Variants in BBS9 observed in about 807,000 individuals in gnomAD.
BBS9 encodes Bardet-Biedl syndrome 9.
A neutral mutation model predicts 117.7 loss-of-function variants in BBS9; 89 were observed. The ratio of observed to expected loss-of-function variants is 0.76; its 90% CI spans 0.64 to 0.90. The LOEUF is 0.90. Ranked by LOEUF, BBS9 falls within the 40% of genes least tolerant of loss-of-function variation. The pLI is 0.00. For synonymous variants in BBS9, 379 were observed against 370.9 expected (o/e 1.02, Z -0.25); for missense variants, 982 against 1,042.2 (o/e 0.94, Z 0.80).
intron 5 of BBS9, among the ~76,000 whole-genome samples, chr7:33,217,055 A>G (rs1456699429): frequency 6.6e-6 from 1 of 152,196 alleles, no homozygotes; most frequent in Non-Finnish European, 1.5e-5. Context: ...AGATTGCACC[A>G]TTGCACTCCA....
intron 1 of BBS9, among the ~76,000 whole-genome samples, chr7:33,143,344 G>C (rs191669221): frequency 6.6e-6 from 1 of 151,948 alleles, no homozygotes; most frequent in African/African-American, 2.4e-5. Flanking sequence ...CACCAACAGC[G>C]TACAGAGATT....
chr7:33,506,292 G>A (rs1306335552), intron 20 of BBS9, among the ~76,000 whole-genome samples: 1 of 152,116 alleles, frequency 6.6e-6, no homozygotes, highest in Non-Finnish European at 1.5e-5. Flanking sequence ...GGGACTTTTT[G>A]TGTGCTTTTA....
intron 19 of BBS9, among the ~76,000 whole-genome samples, chr7:33,403,469 C>A (rs184733002): frequency 2.8e-5 from 3 of 108,360 alleles, no homozygotes; most frequent in Non-Finnish European, 5.3e-5. Context: ...TCCCCCCTCC[C>A]CCCACCCCAC....
In BBS9 at chr7:33,574,698, C is replaced by CACACAT. The variant is rs1423955762; in HGVS notation, c.2522-30162_2522-30161insTACACA. 4.1e-3 allele frequency among the ~76,000 whole-genome samples: 571 copies of CACACAT among 138,798 alleles called. 7 individuals carry two copies. The highest frequency in any genetic ancestry group is 0.017 in the African/African-American group (551 of 33,382). 91.1% of individuals were successfully genotyped at this position (138,798 alleles called of 152,430 possible). A position where few individuals can be genotyped will look rare whatever the true frequency, so the allele number is the denominator to read the frequency against. ...AAGTCATAGAAAACACACACACACA[C>CACACAT]ACACACACACACACACACACACACA... On this transcript the variant is annotated intron_variant, in intron 21 of 22. Coordinates refer to ENST00000242067, the MANE Select transcript of BBS9 (RefSeq NM_198428.3).
At chr7:33,395,237 T>G (rs1398609303) in intron 19 of BBS9, among the ~76,000 whole-genome samples, 2 of 152,224 alleles carry the variant, frequency 1.3e-5, no homozygotes, top group East Asian at 3.8e-4. Flanking sequence ...GGACTTTTTT[T>G]GGGTGTGTGA....
At chr7:33,131,605 C>T (rs1466306982) in intron 1 of BBS9, among the ~76,000 whole-genome samples, 1 of 152,150 alleles carries the variant, frequency 6.6e-6, no homozygotes, top group African/African-American at 2.4e-5. Flanking sequence ...AAATGAACAA[C>T]AGCTGCAAGG....
intron 20 of BBS9, among the ~76,000 whole-genome samples, chr7:33,519,736 G>C (rs1420005802): frequency 6.6e-6 from 1 of 152,158 alleles, no homozygotes. Context: ...TAAAGTAAAA[G>C]GAGCCTAAGC....
At chr7:33,169,385 T>C (rs9648041) in intron 4 of BBS9, among the ~76,000 whole-genome samples, 12 of 151,800 alleles carry the variant, frequency 7.9e-5, no homozygotes, top group South Asian at 2.1e-4. Context: ...GGAATCGCCA[T>C]ACTGACTTCC....
intron 21 of BBS9, among the ~76,000 whole-genome samples, chr7:33,535,503 T>C (rs1851231517): frequency 6.6e-6 from 1 of 152,184 alleles, no homozygotes; most frequent in Non-Finnish European, 1.5e-5. Flanking sequence ...AAATAATATT[T>C]TTTATTTGGC....
chr7:33,478,866 T>C (rs1354257666), intron 19 of BBS9, among the ~76,000 whole-genome samples: 1 of 133,442 alleles, frequency 7.5e-6, no homozygotes, highest in Admixed American at 8.6e-5. Context: ...GTAAATATGA[T>C]GTTAGTGGGT....
intron 9 of BBS9, among the ~76,000 whole-genome samples, chr7:33,331,495 G>A (rs1814032244): frequency 6.6e-6 from 1 of 152,076 alleles, no homozygotes; most frequent in Non-Finnish European, 1.5e-5. Context: ...CTGATAGTAT[G>A]ATTGTATGCC....
At chr7:33,468,400 T>C (rs1010135602) in intron 19 of BBS9, among the ~76,000 whole-genome samples, 4 of 152,196 alleles carry the variant, frequency 2.6e-5, no homozygotes, top group African/African-American at 4.8e-5. Context: ...TTTTTATTAA[T>C]ATAGAATAAT....
chr7:33,154,368 G>T (rs1793792168), intron 3 of BBS9, among the ~76,000 whole-genome samples: 1 of 152,170 alleles, frequency 6.6e-6, no homozygotes. Flanking sequence ...ACCTAGGTCT[G>T]CAGACTTCAA....
At chr7:33,548,961 A>T (rs932705271) in intron 21 of BBS9, among the ~76,000 whole-genome samples, 1 of 151,608 alleles carries the variant, frequency 6.6e-6, no homozygotes, top group Admixed American at 6.6e-5. Flanking sequence ...AAGAGCCTGC[A>T]TCACCAAGGC....
chr7:33,518,151 G>C (rs971521006), intron 20 of BBS9, among the ~76,000 whole-genome samples: 1 of 151,702 alleles, frequency 6.6e-6, no homozygotes, highest in Non-Finnish European at 1.5e-5. Flanking sequence ...ATGAGGCTAG[G>C]GCATGAGAGC....
intron 19 of BBS9, among the ~76,000 whole-genome samples, chr7:33,489,331 C>CTT (rs35199510): frequency 0.013 from 1,085 of 86,180 alleles, 29 homozygotes; most frequent in African/African-American, 0.026. Context: ...CCACTTATGG[C>CTT]TTTTTTTTTT....
At chr7:33,272,493 C>T (rs1452969365) in intron 7 of BBS9, among the ~76,000 whole-genome samples, 1 of 152,082 alleles carries the variant, frequency 6.6e-6, no homozygotes, top group Non-Finnish European at 1.5e-5. Flanking sequence ...TACATTCATT[C>T]TTTCATTACT....
At chr7:33,602,463 T>C (rs1056515676) in intron 21 of BBS9, among the ~76,000 whole-genome samples, 2 of 152,128 alleles carry the variant, frequency 1.3e-5, no homozygotes, top group African/African-American at 4.8e-5. Flanking sequence ...GCAGGGTGGC[T>C]CACGCCTGTA....
chr7:33,258,611 G>A (rs1196467847), intron 6 of BBS9, among the ~76,000 whole-genome samples: 2 of 152,112 alleles, frequency 1.3e-5, no homozygotes, highest in Admixed American at 1.3e-4. Flanking sequence ...ATTTGGAGAG[G>A]TTGGGAAAAA....
Sources: gnomAD v4.1 joint callset for allele counts (sites outside exome capture counted in the v4.1 genomes callset) on GRCh38, gnomAD v4.1.1 for gene constraint, MANE v1.5 for transcripts, NCBI Gene and HGNC (gene_info 2026-07-23, HGNC 2026-07-21) for gene names.